Variants in CACNG6 observed in about 807,000 individuals in gnomAD.
The protein encoded by CACNG6 is voltage-dependent calcium channel gamma-6 subunit.
In CACNG6, 21 loss-of-function variants were observed where a neutral mutation model predicts 23.9. The ratio of observed to expected loss-of-function variants is 0.88; its 90% CI spans 0.62 to 1.26. CACNG6 has a LOEUF of 1.26. CACNG6 is among the 50% of genes most tolerant of loss of function. The pLI, the probability that CACNG6 is intolerant of heterozygous loss-of-function variation, is 0.00. For missense variants in CACNG6, 340 were observed against 352.9 expected (o/e 0.96, Z 0.29); for synonymous variants, 182 against 168.9 (o/e 1.08, Z -0.60).
In CACNG6 at chr19:53,998,285, A is replaced by G; in HGVS notation, c.378A>G (p.Ala126=). 1.2e-6 allele frequency: 2 copies of G among 1,614,044 alleles called. No individual in the cohort carries two copies. The change falls in exon 2 of 4, where the codon GCA becomes GCG. Residue 126 remains alanine (A), a synonymous_variant. Transcript: ENST00000252729. ...YFKFFTTGEN[A]RIFQRTTKKE... ...AATTCTTCACCACGGGGGAGAATGC[A>G]CGCATCTTTCAGAGAACCACAAAGA...
At position 53,992,998 on chromosome 19, in the gene CACNG6, C is replaced by T; in HGVS notation, c.121C>T (p.Leu41=). The change falls in exon 1 of 4, where the codon CTG becomes TTG. Residue 41 remains leucine (L), a synonymous_variant. Coordinates refer to ENST00000252729, the MANE Select transcript of CACNG6 (RefSeq NM_145814.2). This position sits in a 1 kb window ranked among gnomAD's most constrained non-coding sequence, Gnocchi z 4.1. ...LTPEREGKVK[L]ALLLAAVGAT... ...GCCCGAGCGCGAGGGGAAGGTGAAG[C>T]TGGCGCTGCTGCTGGCCGCCGTGGG... The T allele has an allele frequency of 5.5e-6, 8 of 1,452,816 alleles. No individual in the cohort carries two copies. Among genetic ancestry groups the T allele is most frequent in the Non-Finnish European group, 7.2e-6 (8 of 1,104,010 alleles). 90.0% of individuals were successfully genotyped at this position (1,452,816 alleles called of 1,614,324 possible).
chr19:54,011,455 A>G (rs1328257195), intron 3 of CACNG6, among the ~76,000 whole-genome samples: 1 of 144,558 alleles, frequency 6.9e-6, no homozygotes, highest in African/African-American at 2.6e-5. Flanking sequence ...AAAAAAAAAC[A>G]AAACAAAACA....
intron 1 of CACNG6, 141 bp downstream of exon 1, chr19:53,993,349 G>A: frequency 1.2e-6 from 1 of 811,460 alleles, no homozygotes. Flanking sequence ...AAGCGCCAGT[G>A]CCCACTTCGT....
At chr19:53,995,484 A>G (rs1202668259) in intron 1 of CACNG6, among the ~76,000 whole-genome samples, 2 of 152,076 alleles carry the variant, frequency 1.3e-5, no homozygotes, top group Non-Finnish European at 1.5e-5. Context: ...GGGATGTGTC[A>G]TGTTTGGGGG....
At chr19:54,011,498 A>T (rs2069714279) in intron 3 of CACNG6, among the ~76,000 whole-genome samples, 1 of 150,972 alleles carries the variant, frequency 6.6e-6, no homozygotes, top group Non-Finnish European at 1.5e-5. Flanking sequence ...TATTCACCCT[A>T]CAGTGCTGCG....
chr19:54,011,223 T>TACACACACACACACACAC (rs1156440499), intron 3 of CACNG6, among the ~76,000 whole-genome samples: 1 of 108,684 alleles, frequency 9.2e-6, no homozygotes, highest in African/African-American at 4.5e-5. Flanking sequence ...TATATATATA[T>TACACACACACACACACAC]ATATACACAC....
chr19:54,011,882 G>T, intron 3 of CACNG6, 69 bp from the exon 4 acceptor site: 1 of 1,165,200 alleles, frequency 8.6e-7, no homozygotes, highest in South Asian at 2.1e-5. Flanking sequence ...GCTGGGAGCG[G>T]ATGGCGGAGA....
rs192469721 is a variant in CACNG6, at chr19:54,007,228, T to A, written c.545-4723T>A. On this transcript the variant is annotated intron_variant, in intron 3 of 3. Coordinates refer to ENST00000252729, the MANE Select transcript of CACNG6 (RefSeq NM_145814.2). ...CACGCCTGGCTAACTTTTGTATTTT[T>A]AGTAGGGATGGGGTTTCACCGTGTT... Among the ~76,000 whole-genome samples the A allele has an allele frequency of 1.1e-4, 16 of 152,254 alleles. No homozygotes were observed. The East Asian group carries it at 3.1e-3, about 29-fold the overall frequency.
chr19:53,991,509 T>C (rs251850), upstream of CACNG6, among the ~76,000 whole-genome samples: 27,806 of 148,160 alleles, frequency 0.19, 2,740 homozygotes, highest in Non-Finnish European at 0.23. Context: ...CCGGGATCCC[T>C]ATGGCAACAG....
At chr19:54,008,204 T>G (rs1600064092) in intron 3 of CACNG6, among the ~76,000 whole-genome samples, 1 of 150,972 alleles carries the variant, frequency 6.6e-6, no homozygotes, top group Non-Finnish European at 1.5e-5. Context: ...AATACAAAAA[T>G]GAGCCAGGCG....
At chr19:54,003,164 T>C (rs2069597634) in intron 3 of CACNG6, among the ~76,000 whole-genome samples, 1 of 151,986 alleles carries the variant, frequency 6.6e-6, no homozygotes, top group Non-Finnish European at 1.5e-5. Context: ...CATACAGAGA[T>C]GTGAAGAATA....
chr19:53,997,281 G>T (rs1433021783), intron 1 of CACNG6, among the ~76,000 whole-genome samples: 1 of 151,970 alleles, frequency 6.6e-6, no homozygotes, highest in African/African-American at 2.4e-5. Flanking sequence ...CTAATTCATG[G>T]CTATATGTAC....
chr19:54,003,662 T>A (rs534321822), intron 3 of CACNG6, among the ~76,000 whole-genome samples: 212 of 152,014 alleles, frequency 1.4e-3, no homozygotes, highest in African/African-American at 5.0e-3. Flanking sequence ...TGCCTAGCCA[T>A]CCACCAGCAA....
At chr19:54,011,205 A>AAAAATATATATATATATAT (rs58054808) in intron 3 of CACNG6, among the ~76,000 whole-genome samples, 1 of 102,508 alleles carries the variant, frequency 9.8e-6, no homozygotes, top group Non-Finnish European at 1.7e-5. Flanking sequence ...AAAAAAAAAA[A>AAAAATATATATATATATAT]ATATATATAT....
In CACNG6 at chr19:54,012,229, T is replaced by C. The variant is rs1600067960; in HGVS notation, c.*40T>C. Reference sequence around the variant, plus strand: ...CTTCTCTAAGCAACCACCGAGCCCTTTGACCTTCTCCATTGTACCCCCAAG... The same window carrying C: ...CTTCTCTAAGCAACCACCGAGCCCTCTGACCTTCTCCATTGTACCCCCAAG... On this transcript the variant is annotated 3_prime_UTR_variant, in exon 4 of 4. Transcript: ENST00000252729. The C allele has an allele frequency of 1.1e-6, 1 of 921,484 alleles. No individual in the cohort carries two copies. Among genetic ancestry groups the C allele is most frequent in the South Asian group, 2.2e-5 (1 of 45,230 alleles). 57.1% of individuals were successfully genotyped at this position (921,484 alleles called of 1,614,324 possible).
At chr19:54,009,919 G>A (rs547043037) in intron 3 of CACNG6, among the ~76,000 whole-genome samples, 6 of 144,608 alleles carry the variant, frequency 4.1e-5, no homozygotes, top group African/African-American at 5.3e-5. Context: ...GCGAAACTCC[G>A]TCTCAAAAAA....
At position 53,992,159 on chromosome 19, in the gene CACNG6, G is replaced by A. The variant is rs2069467548; in HGVS notation, c.-719G>A. 1 of 152,300 alleles carries A rather than the reference G, an allele frequency of 6.6e-6. No homozygotes were observed. Among genetic ancestry groups the A allele is most frequent in the Admixed American group, 6.6e-5 (1 of 15,266 alleles). The allele number at this position is 152,300 out of a possible 1,614,324, so 9.4% of individuals were successfully genotyped here. A position where few individuals can be genotyped will look rare whatever the true frequency, so the allele number is the denominator to read the frequency against. On this transcript the variant is annotated 5_prime_UTR_variant, in exon 1 of 4. Coordinates refer to ENST00000252729, the MANE Select transcript of CACNG6 (RefSeq NM_145814.2). This position sits in a 1 kb window ranked among gnomAD's most constrained non-coding sequence, Gnocchi z 4.1. ...CAGTCCTCTTCTGAGCCCCAGCCAG[G>A]GCTCTGTTCTTCTCCTTCTGTGGAT...
At chr19:53,998,628 C>T (rs1395955899) in intron 2 of CACNG6, among the ~76,000 whole-genome samples, 2 of 151,678 alleles carry the variant, frequency 1.3e-5, no homozygotes, top group Non-Finnish European at 2.9e-5. Flanking sequence ...TCACCTACCT[C>T]AGCCTCCTGA....
intron 3 of CACNG6, among the ~76,000 whole-genome samples, chr19:54,004,523 G>A (rs2069617936): frequency 6.6e-6 from 1 of 152,062 alleles, no homozygotes; most frequent in Non-Finnish European, 1.5e-5. Context: ...TGGCCCCTAA[G>A]TGATACTTTT....
Sources: allele counts gnomAD v4.1 joint callset (sites outside exome capture counted in the v4.1 genomes callset), GRCh38; gene constraint gnomAD v4.1.1; non-coding constraint Gnocchi (gnomAD v3.1); transcripts MANE v1.5; gene names NCBI Gene and HGNC (gene_info 2026-07-23, HGNC 2026-07-21).